Variants in TMEM178B observed in about 807,000 individuals in gnomAD.
The protein encoded by TMEM178B is transmembrane protein 178B.
Under a neutral mutation model 31.0 loss-of-function variants are expected in TMEM178B, and 5 were observed. The observed-to-expected ratio is 0.16, with a 90% CI of 0.08 to 0.34. TMEM178B has a LOEUF of 0.34. Among genes scored for constraint, TMEM178B ranks in the 10% least tolerant of loss-of-function variants. The pLI is 1.00. For synonymous variants in TMEM178B, 164 were observed against 164.0 expected, an observed-to-expected ratio of 1.00 and a Z score of 0.00; for missense variants, 275 against 400.3, an observed-to-expected ratio of 0.69 and a Z score of 2.67.
chr7:141,158,093 ATTGCCAATT>A (rs1563102991), intron 1 of TMEM178B, among the ~76,000 whole-genome samples: 1 of 151,926 alleles, frequency 6.6e-6, no homozygotes, highest in Non-Finnish European at 1.5e-5. Flanking sequence ...GTGGCCTCAG[ATTGCCAATT>A]TTTTGTTTTT....
At chr7:141,297,179 G>T (rs1051504330) in intron 2 of TMEM178B, 2 of 152,190 alleles carry the variant, frequency 1.3e-5, no homozygotes, top group African/African-American at 4.8e-5. Context: ...TGACCTGAGA[G>T]GTTAAGGATA....
At chr7:141,122,916 C>G (rs1795433173) in intron 1 of TMEM178B, among the ~76,000 whole-genome samples, 1 of 152,180 alleles carries the variant, frequency 6.6e-6, no homozygotes, top group Non-Finnish European at 1.5e-5. Context: ...GCAGGCGGAT[C>G]AAGGCTACTG....
intron 2 of TMEM178B, among the ~76,000 whole-genome samples, chr7:141,398,314 A>G (rs1441174979): frequency 6.6e-6 from 1 of 152,190 alleles, no homozygotes; most frequent in Non-Finnish European, 1.5e-5. Flanking sequence ...TTGCTTCTGA[A>G]ACACCTTGGA....
intron 3 of TMEM178B, 115 bp downstream of exon 3, chr7:141,437,860 A>T (rs1183591903): frequency 1.4e-6 from 2 of 1,389,794 alleles, no homozygotes; most frequent in Non-Finnish European, 1.9e-6. Flanking sequence ...TGGGGTTCTC[A>T]TTCACTCATC....
intron 2 of TMEM178B, among the ~76,000 whole-genome samples, chr7:141,302,524 G>A (rs529373157): frequency 2.0e-5 from 3 of 152,306 alleles, no homozygotes; most frequent in Admixed American, 1.3e-4. Context: ...ATTGTTTAAT[G>A]GGTACAGAGT....
At chr7:141,354,563 C>T (rs1039567430) in intron 2 of TMEM178B, among the ~76,000 whole-genome samples, 1 of 152,200 alleles carries the variant, frequency 6.6e-6, no homozygotes, top group Admixed American at 6.5e-5. Flanking sequence ...GCCTTGAAGT[C>T]TTTTCTTTTG....
chr7:141,224,380 G>A (rs1563123306), intron 2 of TMEM178B, among the ~76,000 whole-genome samples: 2 of 152,250 alleles, frequency 1.3e-5, no homozygotes, highest in South Asian at 2.1e-4. Context: ...TTACGGATTC[G>A]ATCTCCAAGT....
chr7:141,089,807 C>T (rs770483235), intron 1 of TMEM178B, among the ~76,000 whole-genome samples: 54 of 151,656 alleles, frequency 3.6e-4, no homozygotes, highest in African/African-American at 1.3e-3. Flanking sequence ...GGGAATTGAA[C>T]AGTGAGAACA....
chr7:141,309,607 T>C (rs1309937538), intron 2 of TMEM178B, among the ~76,000 whole-genome samples: 2 of 152,194 alleles, frequency 1.3e-5, no homozygotes, highest in Non-Finnish European at 2.9e-5. Context: ...ATTAATTTTT[T>C]ATCTTCTCTT....
chr7:141,262,195 C>T (rs1389533868), intron 2 of TMEM178B, among the ~76,000 whole-genome samples: 1 of 152,084 alleles, frequency 6.6e-6, no homozygotes, highest in Admixed American at 6.5e-5. Context: ...CTTAGTGAAT[C>T]CATTTGATTT....
chr7:141,139,403 G>A (rs1795730860), intron 1 of TMEM178B, among the ~76,000 whole-genome samples: 1 of 152,140 alleles, frequency 6.6e-6, no homozygotes, highest in African/African-American at 2.4e-5. Context: ...CCAAGCTGGA[G>A]TTCAGTGACA....
At chr7:141,483,613 AAG>A (rs1335088795), downstream of TMEM178B, among the ~76,000 whole-genome samples, 2 of 152,238 alleles carry the variant, frequency 1.3e-5, no homozygotes, top group Non-Finnish European at 2.9e-5. Context: ...TAGAAAATGG[AAG>A]AGTTAGCAAA....
intron 2 of TMEM178B, among the ~76,000 whole-genome samples, chr7:141,400,476 C>G (rs1410823216): frequency 6.6e-6 from 1 of 152,136 alleles, no homozygotes; most frequent in East Asian, 1.9e-4. Flanking sequence ...AAGACTGTTT[C>G]ATCTTTCCTA....
intron 2 of TMEM178B, among the ~76,000 whole-genome samples, chr7:141,215,037 A>T (rs1797109197): frequency 1.3e-5 from 2 of 152,188 alleles, no homozygotes; most frequent in Non-Finnish European, 2.9e-5. Context: ...ATCTGTCACA[A>T]CTGAATTTGG....
chr7:141,398,153 C>A (rs1586934247), intron 2 of TMEM178B, among the ~76,000 whole-genome samples: 1 of 152,236 alleles, frequency 6.6e-6, no homozygotes, highest in East Asian at 1.9e-4. Flanking sequence ...AGGATTTGAC[C>A]AGGGTTAAGG....
intron 2 of TMEM178B, among the ~76,000 whole-genome samples, chr7:141,334,012 C>T (rs1006129497): frequency 5.9e-5 from 9 of 152,230 alleles, no homozygotes; most frequent in Non-Finnish European, 1.2e-4. Flanking sequence ...GGAACCCCTG[C>T]TCTAAGGGCC....
At chr7:141,392,039 T>C (rs963270216) in intron 2 of TMEM178B, among the ~76,000 whole-genome samples, 2 of 151,478 alleles carry the variant, frequency 1.3e-5, no homozygotes, top group African/African-American at 4.9e-5. Context: ...TGGGGGAATA[T>C]ACAGAGGAGT....
At chr7:141,246,667 G>A (rs1797735217) in intron 2 of TMEM178B, among the ~76,000 whole-genome samples, 2 of 152,156 alleles carry the variant, frequency 1.3e-5, no homozygotes, top group African/African-American at 4.8e-5. Context: ...GGAAAAGAGT[G>A]TGTGCAGGTA....
the TMEM178B span, among the ~76,000 whole-genome samples, chr7:141,488,108 C>A: frequency 6.6e-6 from 1 of 152,010 alleles, no homozygotes; most frequent in East Asian, 1.9e-4. Flanking sequence ...TAATCTATAT[C>A]TACAAGGTGA....
Sources: gnomAD v4.1 joint callset for allele counts (sites outside exome capture counted in the v4.1 genomes callset) on GRCh38, gnomAD v4.1.1 for gene constraint, MANE v1.5 for transcripts, NCBI Gene and HGNC (gene_info 2026-07-23, HGNC 2026-07-21) for gene names.